The following THRB variants were observed in gnomAD, a reference collection of about 807,000 sequenced individuals.
THRB encodes the protein thyroid hormone receptor beta, also known as nuclear receptor subfamily 1 group A member 2.
Under a neutral mutation model 47.8 loss-of-function variants are expected in THRB, and 12 were observed. The observed-to-expected ratio is 0.25, with a 90% CI of 0.16 to 0.41. The LOEUF (loss-of-function observed/expected upper bound fraction) is 0.41. Ranked by LOEUF, THRB falls within the 10% of genes least tolerant of loss-of-function variation. The pLI, the probability that THRB is intolerant of heterozygous loss-of-function variation, is 1.00. For synonymous variants in THRB, 218 were observed against 212.2 expected (o/e 1.03, Z -0.24); for missense variants, 348 against 589.2 (o/e 0.59, Z 4.24).
intron 1 of THRB, among the ~76,000 whole-genome samples, chr3:24,383,560 T>C (rs893232294): frequency 6.6e-5 from 10 of 152,184 alleles, no homozygotes; most frequent in Non-Finnish European, 7.4e-5. Context: ...ATCTTAAAAA[T>C]GTCTTCAGTC....
chr3:24,373,363 C>T (rs2065051514), intron 1 of THRB, among the ~76,000 whole-genome samples: 1 of 152,094 alleles, frequency 6.6e-6, no homozygotes, highest in South Asian at 2.1e-4. Flanking sequence ...CAGTCTGATC[C>T]TTTCTGAAAG....
In THRB at chr3:24,228,947, T is replaced by C. The variant is rs758700967; in HGVS notation, c.13A>G (p.Ser5Gly). Reference protein sequence around the residue: MTPNSMTENGLTAWD... With the variant: MTPNGMTENGLTAWD... ...AAAAAAAAAAAGATACCTGTCATAC[T>C]GTTGGGAGTCATAGGTTAGTAATCA... The change falls in exon 4 of 11, where the codon AGT becomes GGT. Residue 5 changes from serine to glycine, a missense_variant. By Grantham distance (56) the Ser-to-Gly change is moderately conservative (BLOSUM62 0). This residue lies in a region of THRB where 148 missense variants were observed against 122.3 expected (regional missense o/e 1.21). Coordinates refer to ENST00000646209, the MANE Select transcript of THRB (RefSeq NM_001354712.2). 6.2e-7 allele frequency: 1 copy of C among 1,612,570 alleles called. No individual in the cohort carries two copies. Among genetic ancestry groups the C allele is most frequent in the Non-Finnish European group, 8.5e-7 (1 of 1,179,234 alleles).
chr3:24,236,691 T>C (rs1453595808), intron 3 of THRB, among the ~76,000 whole-genome samples: 2 of 152,178 alleles, frequency 1.3e-5, no homozygotes, highest in Non-Finnish European at 2.9e-5. Flanking sequence ...AGGCTGAATT[T>C]TTGTGAAAAA....
intron 1 of THRB, among the ~76,000 whole-genome samples, chr3:24,459,968 CAG>C (rs2073550019): frequency 6.6e-6 from 1 of 152,134 alleles, no homozygotes. Context: ...TTTTGGTAAA[CAG>C]AGCAGTTAAA....
At chr3:24,229,807 GGCC>G (rs2048065551) in intron 3 of THRB, among the ~76,000 whole-genome samples, 1 of 152,210 alleles carries the variant, frequency 6.6e-6, no homozygotes, top group Admixed American at 6.5e-5. Context: ...TGTGTTCTGT[GGCC>G]AGTGGTAGAT....
chr3:24,189,981 G>T, intron 5 of THRB, 93 bp downstream of exon 5: 1 of 1,262,528 alleles, frequency 7.9e-7, no homozygotes. Flanking sequence ...ACCATACATT[G>T]GAAGAGAAAT....
intron 1 of THRB, among the ~76,000 whole-genome samples, chr3:24,395,915 G>C (rs570658878): frequency 1.3e-5 from 2 of 152,056 alleles, no homozygotes; most frequent in Admixed American, 6.6e-5. Flanking sequence ...ATATGGTTCC[G>C]TTTATATGGA....
intron 5 of THRB, among the ~76,000 whole-genome samples, chr3:24,163,441 GAAAAGAT>G (rs1045395118): frequency 6.6e-6 from 1 of 152,004 alleles, no homozygotes. Context: ...AAAATACAGT[GAAAAGAT>G]AAAAGAGAAA....
At chr3:24,298,035 T>A (rs574045670) in intron 2 of THRB, among the ~76,000 whole-genome samples, 5 of 152,354 alleles carry the variant, frequency 3.3e-5, no homozygotes, top group Non-Finnish European at 7.3e-5. Flanking sequence ...TCAGTTTGAT[T>A]CCAGCCCTTA....
intron 3 of THRB, among the ~76,000 whole-genome samples, chr3:24,273,858 G>C (rs373462823): frequency 1.1e-4 from 17 of 151,876 alleles, no homozygotes; most frequent in African/African-American, 4.1e-4. Context: ...TTTGGATAAG[G>C]AACTATGGGC....
intron 7 of THRB, chr3:24,144,269 G>A (rs2035817616): frequency 6.0e-6 from 1 of 167,040 alleles, no homozygotes; most frequent in Non-Finnish European, 1.3e-5. Context: ...ATTGGAATGT[G>A]GCTGGGCCTC....
intron 8 of THRB, among the ~76,000 whole-genome samples, chr3:24,138,140 C>G (rs2034937558): frequency 6.6e-6 from 1 of 152,054 alleles, no homozygotes; most frequent in African/African-American, 2.4e-5. Flanking sequence ...GGAAACGCTG[C>G]CAGCTGACCT....
At chr3:24,403,299 T>A (rs2067568159) in intron 1 of THRB, among the ~76,000 whole-genome samples, 1 of 152,000 alleles carries the variant, frequency 6.6e-6, no homozygotes, top group Non-Finnish European at 1.5e-5. Flanking sequence ...TAACGGTTAA[T>A]CTCTGCAAAA....
chr3:24,354,524 A>G (rs112637912), intron 1 of THRB, among the ~76,000 whole-genome samples: 1,880 of 152,288 alleles, frequency 0.012, 47 homozygotes, highest in African/African-American at 0.041. Context: ...AACTTTTTCA[A>G]CATCTTAGAG....
At chr3:24,270,564 G>T (rs912907925) in intron 3 of THRB, among the ~76,000 whole-genome samples, 1 of 152,202 alleles carries the variant, frequency 6.6e-6, no homozygotes, top group South Asian at 2.1e-4. Context: ...AGCCCTTCCA[G>T]CTGGAGCTTA....
At chr3:24,410,019 G>A (rs78824268) in intron 1 of THRB, among the ~76,000 whole-genome samples, 1 of 151,948 alleles carries the variant, frequency 6.6e-6, no homozygotes, top group Admixed American at 6.6e-5. Context: ...TATGAAAGTT[G>A]ATTGCATTTT....
chr3:24,237,980 A>T (rs945441201), intron 3 of THRB: 1 of 152,134 alleles, frequency 6.6e-6, no homozygotes, highest in African/African-American at 2.4e-5. Context: ...TAAAAATTTT[A>T]TGAGACCAAC....
rs1030835918 is a variant in THRB, at chr3:24,133,303, A to G, written c.885+13T>C. The G allele has an allele frequency of 1.9e-6, 3 of 1,613,952 alleles. No homozygotes were observed. In the South Asian group the frequency reaches 3.3e-5, roughly 18 times the overall value. On this transcript the variant is annotated intron_variant, in intron 9 of 10. Transcript: ENST00000646209. ...AATTAAGAATAATGCAGAAGGAAAAACAACATCCTCACCTCACAAAACATA... is the reference window on the plus strand; with the variant it reads ...AATTAAGAATAATGCAGAAGGAAAAGCAACATCCTCACCTCACAAAACATA...
intron 1 of THRB, among the ~76,000 whole-genome samples, chr3:24,429,614 T>C (rs1327934879): frequency 2.6e-5 from 4 of 152,100 alleles, no homozygotes; most frequent in African/African-American, 7.2e-5. Flanking sequence ...ATAGTTGACA[T>C]AATCATGTTT....
Sources: gnomAD v4.1 joint callset for allele counts (sites outside exome capture counted in the v4.1 genomes callset) on GRCh38, gnomAD v4.1.1 for gene constraint, gnomAD v4.1.1 regional missense constraint, MANE v1.5 for transcripts, NCBI Gene and HGNC (gene_info 2026-07-23, HGNC 2026-07-21) for gene names.